The following GMDS variants were observed in gnomAD, a reference collection of about 807,000 sequenced individuals.
GMDS encodes the protein GDP-mannose 4,6 dehydratase.
Under a neutral mutation model 49.9 loss-of-function variants are expected in GMDS, and 20 were observed. The observed-to-expected ratio is 0.40, with a 90% CI of 0.28 to 0.58. The LOEUF (loss-of-function observed/expected upper bound fraction) is 0.58. Among genes scored for constraint, GMDS ranks in the 20% least tolerant of loss-of-function variants. GMDS has a pLI of 0.42. For synonymous variants in GMDS, 177 were observed against 178.6 expected, an observed-to-expected ratio of 0.99 and a Z score of 0.07; for missense variants, 362 against 481.4, an observed-to-expected ratio of 0.75 and a Z score of 2.32.
intron 6 of GMDS, among the ~76,000 whole-genome samples, chr6:1,938,003 C>T (rs75635824): frequency 2.0e-5 from 3 of 151,544 alleles, no homozygotes; most frequent in Non-Finnish European, 2.9e-5. Context: ...CCCTTCTCTA[C>T]TAATTTAAAA....
intron 7 of GMDS, among the ~76,000 whole-genome samples, chr6:1,816,837 G>C (rs1230488260): frequency 2.0e-5 from 3 of 151,162 alleles, no homozygotes; most frequent in Non-Finnish European, 2.9e-5. Flanking sequence ...CTTTTTGTCT[G>C]CTGACCATAA....
At chr6:1,728,684 G>A (rs1766680217) in intron 8 of GMDS, among the ~76,000 whole-genome samples, 1 of 152,208 alleles carries the variant, frequency 6.6e-6, no homozygotes, top group Admixed American at 6.5e-5. Context: ...TTAGGAGGGA[G>A]CGTGTGAGTC....
rs1336019406 is a variant in GMDS, at chr6:1,635,666, C to A, written c.988-11126G>T. Among the ~76,000 whole-genome samples the A allele has an allele frequency of 6.6e-6, 1 of 152,162 alleles. No individual in the cohort carries two copies. The highest frequency in any genetic ancestry group is 1.5e-5 in the Non-Finnish European group (1 of 68,020). ...AGGGTCTGTGCTGTGCAAAGCCCACCGGGGGGTGTGGCCCTCAAGTCTGCA... is the reference window on the plus strand; with the variant it reads ...AGGGTCTGTGCTGTGCAAAGCCCACAGGGGGGTGTGGCCCTCAAGTCTGCA... On this transcript the variant is annotated intron_variant, in intron 9 of 10. Transcript: ENST00000380815. The surrounding 1 kb of genome is among the most constrained non-coding windows in gnomAD (Gnocchi z 4.7).
intron 4 of GMDS, among the ~76,000 whole-genome samples, chr6:1,961,407 A>G (rs1763935620): frequency 6.6e-6 from 1 of 152,232 alleles, no homozygotes; most frequent in Non-Finnish European, 1.5e-5. Flanking sequence ...TTTAGAACAC[A>G]GCTGAATTTA....
chr6:1,674,714 AT>A (rs34312038), intron 9 of GMDS, among the ~76,000 whole-genome samples: 417 of 142,614 alleles, frequency 2.9e-3, no homozygotes, highest in African/African-American at 5.7e-3. Flanking sequence ...CACCCAGCTA[AT>A]TTTTTTTTTT....
chr6:1,894,008 A>C (rs1230037063), intron 7 of GMDS, among the ~76,000 whole-genome samples: 1 of 152,202 alleles, frequency 6.6e-6, no homozygotes, highest in Non-Finnish European at 1.5e-5. Context: ...TGGAAGGCAC[A>C]GTTGGGAAAG....
chr6:1,914,813 A>G (rs912821605), intron 7 of GMDS, among the ~76,000 whole-genome samples: 2 of 152,218 alleles, frequency 1.3e-5, no homozygotes, highest in Admixed American at 1.3e-4. Flanking sequence ...ACATCCAGCC[A>G]CTGGGCCTCC....
chr6:1,705,991 T>A (rs1174953929), intron 9 of GMDS, among the ~76,000 whole-genome samples: 1 of 152,108 alleles, frequency 6.6e-6, no homozygotes, highest in Admixed American at 6.5e-5. Context: ...TTAGGGTGAG[T>A]TGAATTCGTC....
At chr6:2,162,440 G>A (rs1385659947) in intron 1 of GMDS, among the ~76,000 whole-genome samples, 2 of 152,060 alleles carry the variant, frequency 1.3e-5, no homozygotes, top group African/African-American at 4.8e-5. Flanking sequence ...TGTTTCCAAA[G>A]TTCTTTCCCA....
chr6:2,225,042 G>A (rs954167523), intron 1 of GMDS, among the ~76,000 whole-genome samples: 13 of 152,082 alleles, frequency 8.5e-5, no homozygotes, highest in Admixed American at 3.3e-4. Flanking sequence ...AGCCTTGGCC[G>A]GGCATGGTGG....
intron 8 of GMDS, among the ~76,000 whole-genome samples, chr6:1,738,088 C>A (rs1375191682): frequency 5.4e-5 from 8 of 149,350 alleles, no homozygotes; most frequent in African/African-American, 2.0e-4. Flanking sequence ...ACACACCACA[C>A]ACATACACAC....
At chr6:2,210,421 A>C (rs964528309) in intron 1 of GMDS, among the ~76,000 whole-genome samples, 2 of 152,190 alleles carry the variant, frequency 1.3e-5, no homozygotes. Flanking sequence ...TTAACTACCA[A>C]GTTATCTAAC....
chr6:2,039,704 G>C (rs1458933868), intron 4 of GMDS, among the ~76,000 whole-genome samples: 1 of 152,038 alleles, frequency 6.6e-6, no homozygotes, highest in East Asian at 1.9e-4. Flanking sequence ...CCTGCTGGAA[G>C]GTCTTCAGGG....
chr6:1,846,273 C>T (rs534889023), intron 7 of GMDS, among the ~76,000 whole-genome samples: 7 of 151,706 alleles, frequency 4.6e-5, no homozygotes, highest in East Asian at 2.0e-4. Context: ...TTGTATTTTT[C>T]GTAGAGACAG....
chr6:1,704,927 G>A (rs1435813002), intron 9 of GMDS, among the ~76,000 whole-genome samples: 1 of 152,138 alleles, frequency 6.6e-6, no homozygotes, highest in East Asian at 1.9e-4. Context: ...CTTTGAAACT[G>A]AGTCATTGAA....
rs761150 is a variant in GMDS at position 1,766,662 on chromosome 6, G to A, written c.772-24076C>T. Among the ~76,000 whole-genome samples the A allele has an allele frequency of 0.65, 98,307 of 152,058 alleles. 32,627 individuals are homozygous for A. Among genetic ancestry groups the A allele is most frequent in the African/African-American group, 0.8 (33,126 of 41,516 alleles). On this transcript the variant is annotated intron_variant, in intron 7 of 10. Coordinates refer to ENST00000380815, the MANE Select transcript of GMDS (RefSeq NM_001500.4). The surrounding 1 kb of genome is among the most constrained non-coding windows in gnomAD (Gnocchi z 4.5). ...TGCAGAGGCTCTCCCCTTCTAGAAG[G>A]CCCAGCAAGCGCCCCGTTTCCCACA...
chr6:2,088,961 G>A (rs1196106568), intron 4 of GMDS, among the ~76,000 whole-genome samples: 1 of 152,150 alleles, frequency 6.6e-6, no homozygotes, highest in East Asian at 1.9e-4. Context: ...AGTTTTATCT[G>A]TTCTCTCTTT....
chr6:2,054,532 G>GCAAC (rs1376146663), intron 4 of GMDS, among the ~76,000 whole-genome samples: 1 of 152,056 alleles, frequency 6.6e-6, no homozygotes, highest in Non-Finnish European at 1.5e-5. Context: ...AGAGTTTAAG[G>GCAAC]CAACCATAGC....
chr6:2,107,679 T>C (rs1294483664), intron 4 of GMDS, among the ~76,000 whole-genome samples: 3 of 152,140 alleles, frequency 2.0e-5, no homozygotes, highest in Admixed American at 6.5e-5. Flanking sequence ...AACCGTAACA[T>C]TACTTGACCG....
Sources: gnomAD v4.1 joint callset for allele counts (sites outside exome capture counted in the v4.1 genomes callset) on GRCh38, gnomAD v4.1.1 for gene constraint, Gnocchi (gnomAD v3.1) non-coding constraint, MANE v1.5 for transcripts, NCBI Gene and HGNC (gene_info 2026-07-23, HGNC 2026-07-21) for gene names.